DMD: variants seen among roughly 807,000 people sequenced by gnomAD.
DMD encodes the protein mutant dystrophin.
A neutral mutation model predicts 330.1 loss-of-function variants in DMD; 63 were observed. The ratio of observed to expected loss-of-function variants is 0.19; its 90% CI spans 0.16 to 0.24. The LOEUF is 0.24. Ranked by LOEUF, DMD falls within the 10% of genes least tolerant of loss-of-function variation. DMD has a pLI of 1.00. For synonymous variants in DMD, 1,223 were observed against 959.8 expected (o/e 1.27, Z -5.07); for missense variants, 3,344 against 2,684.1 (o/e 1.25, Z -5.43).
chrX:31,217,928 T>C (rs747911821), intron 64 of DMD, among the ~76,000 whole-genome samples: 1 of 112,221 alleles, frequency 8.9e-6, no homozygotes, highest in East Asian at 2.8e-4. Flanking sequence ...ATGCAGAGAA[T>C]TTCAAATTGA....
At chrX:32,886,149 G>C (rs1161167506) in intron 2 of DMD, among the ~76,000 whole-genome samples, 1 of 111,079 alleles carries the variant, frequency 9.0e-6, no homozygotes, top group East Asian at 2.8e-4. Flanking sequence ...ATTAGCTCAT[G>C]AAGTCAGTAT....
chrX:31,440,336 G>T (rs1385084457), intron 60 of DMD, among the ~76,000 whole-genome samples: 4 of 99,804 alleles, frequency 4.0e-5, no homozygotes, highest in Non-Finnish European at 7.8e-5. Context: ...TAGTAGTGAT[G>T]GGGTTTCACT....
chrX:32,511,317 A>C (rs1231090243), intron 18 of DMD, among the ~76,000 whole-genome samples: 4 of 109,661 alleles, frequency 3.6e-5, no homozygotes, highest in African/African-American at 1.3e-4. Context: ...AGGTCAGGAG[A>C]TGGAGACCAT....
chrX:32,937,560 T>G (rs55998389), intron 2 of DMD, among the ~76,000 whole-genome samples: 3,395 of 105,385 alleles, frequency 0.032, 150 homozygotes, highest in African/African-American at 0.11. Context: ...TTCCAAAGCC[T>G]GAGGATAACA....
At chrX:31,456,137 G>T (rs2066141295) in intron 59 of DMD, among the ~76,000 whole-genome samples, 2 of 111,231 alleles carry the variant, frequency 1.8e-5, no homozygotes, top group Admixed American at 1.9e-4. Context: ...CTTAAATAAT[G>T]ATATGAACTA....
chrX:31,476,556 G>A (rs1254876907), intron 59 of DMD, among the ~76,000 whole-genome samples: 1 of 107,898 alleles, frequency 9.3e-6, no homozygotes, highest in Non-Finnish European at 1.9e-5. Flanking sequence ...CTGGAGAATA[G>A]GAGCTATGGC....
chrX:31,210,529 A>G (rs2044545599), intron 64 of DMD, among the ~76,000 whole-genome samples: 1 of 112,277 alleles, frequency 8.9e-6, no homozygotes, highest in Non-Finnish European at 1.9e-5. Context: ...TGTCATGAAA[A>G]GATGCATTTC....
chrX:33,056,344 T>C (rs1045513759), intron 1 of DMD, among the ~76,000 whole-genome samples: 2 of 108,300 alleles, frequency 1.8e-5, no homozygotes, highest in Non-Finnish European at 3.8e-5. Flanking sequence ...CGCTCTTTTT[T>C]TTTTCTTTTT....
At position 32,908,219 on chromosome X, in the gene DMD, C is replaced by T. The variant is rs16990758; in HGVS notation, c.94-58399G>A. On this transcript the variant is annotated intron_variant, in intron 2 of 78. Coordinates refer to ENST00000357033, the MANE Select transcript of DMD (RefSeq NM_004006.3). Reference sequence around the variant, plus strand: ...TTATTTGATTCAGTGACATTAATATCATCATCAAACGGTATTATAATTTCT... The same window carrying T: ...TTATTTGATTCAGTGACATTAATATTATCATCAAACGGTATTATAATTTCT... Among the ~76,000 whole-genome samples the T allele has an allele frequency of 4.3e-3, 474 of 111,373 alleles. 1 individual carries two copies. Among genetic ancestry groups the T allele is most frequent in the African/African-American group, 0.015 (451 of 30,738 alleles).
At chrX:31,243,068 T>C (rs750822241) in intron 63 of DMD, among the ~76,000 whole-genome samples, 5 of 111,572 alleles carry the variant, frequency 4.5e-5, no homozygotes, top group Non-Finnish European at 9.4e-5. Context: ...TTGTGCATTC[T>C]ATTACCCAGA....
intron 44 of DMD, among the ~76,000 whole-genome samples, chrX:32,161,422 C>T (rs932058754): frequency 1.8e-5 from 2 of 111,726 alleles, no homozygotes; most frequent in South Asian, 7.4e-4. Context: ...ATACTCCCTT[C>T]AATACCCACC....
intron 65 of DMD, among the ~76,000 whole-genome samples, chrX:31,207,264 A>T (rs1307597373): frequency 5.3e-5 from 6 of 112,189 alleles, no homozygotes; most frequent in Non-Finnish European, 1.1e-4. Context: ...CAAATATATG[A>T]TCTAAAAAAT....
At chrX:31,266,911 GCGCCGC>G (rs925751689) in intron 62 of DMD, 1 of 1,174,620 alleles carries the variant, frequency 8.5e-7, no homozygotes, top group Non-Finnish European at 1.1e-6. Flanking sequence ...CGAAAGTGGA[GCGCCGC>G]CGCCGCCGCC....
At position 32,939,805 on chromosome X, in the gene DMD, T is replaced by C. The variant is rs183246696; in HGVS notation, c.93+80334A>G. 8.2e-5 allele frequency among the ~76,000 whole-genome samples: 9 copies of C among 109,410 alleles called. No homozygotes were observed. In the East Asian group the frequency reaches 3.3e-3, roughly 40 times the overall value. ...ATCAAGTATGCAATCCCATTTATAATAGCCATAAAAAATAAAAGAGGTGAA... is the reference window on the plus strand; with the variant it reads ...ATCAAGTATGCAATCCCATTTATAACAGCCATAAAAAATAAAAGAGGTGAA... On this transcript the variant is annotated intron_variant, in intron 2 of 78. Coordinates refer to ENST00000357033, the MANE Select transcript of DMD (RefSeq NM_004006.3).
At chrX:32,252,765 T>TATATATAAATATATATAAATATATATAA in intron 43 of DMD, among the ~76,000 whole-genome samples, 1 of 38,821 alleles carries the variant, frequency 2.6e-5, no homozygotes, top group African/African-American at 1.9e-4. Flanking sequence ...AATATATAAA[T>TATATATAAATATATATAAATATATATAA]ATATATAAAT....
intron 7 of DMD, among the ~76,000 whole-genome samples, chrX:32,786,710 T>C (rs753484181): frequency 9.0e-6 from 1 of 111,563 alleles, no homozygotes; most frequent in Non-Finnish European, 1.9e-5. Flanking sequence ...GCAAAGAAAA[T>C]ATTCATGGAA....
At chrX:32,915,677 T>C (rs779314213) in intron 2 of DMD, among the ~76,000 whole-genome samples, 2 of 112,184 alleles carry the variant, frequency 1.8e-5, no homozygotes, top group African/African-American at 6.5e-5. Context: ...TAGTAATTGT[T>C]CCTCACTTGA....
chrX:32,366,143 A>C (rs2097853699), intron 34 of DMD, among the ~76,000 whole-genome samples: 2 of 112,474 alleles, frequency 1.8e-5, no homozygotes, highest in Middle Eastern at 4.6e-3. Flanking sequence ...TAACATGAAA[A>C]AAGATAGAGA....
chrX:32,439,166 G>A (rs2098272210), intron 28 of DMD, among the ~76,000 whole-genome samples: 1 of 111,380 alleles, frequency 9.0e-6, no homozygotes, highest in Non-Finnish European at 1.9e-5. Context: ...TAAAATAAGT[G>A]ATGGGCATAT....
Sources: allele counts gnomAD v4.1 joint callset (sites outside exome capture counted in the v4.1 genomes callset), GRCh38; gene constraint gnomAD v4.1.1; transcripts MANE v1.5; gene names NCBI Gene and HGNC (gene_info 2026-07-23, HGNC 2026-07-21).